GALNT5: variants seen among roughly 807,000 people sequenced by gnomAD.
GALNT5 encodes the protein UDP-GalNAc:polypeptide N-acetylgalactosaminyltransferase 5.
A neutral mutation model predicts 85.4 loss-of-function variants in GALNT5; 72 were observed. The ratio of observed to expected loss-of-function variants is 0.84; its 90% CI spans 0.70 to 1.03. The LOEUF is 1.03. GALNT5 is among the 50% of genes least tolerant of loss of function. The pLI is 0.00. For synonymous variants in GALNT5, 404 were observed against 397.0 expected (o/e 1.02, Z -0.21); for missense variants, 1,137 against 1,135.5 (o/e 1.00, Z -0.02).
At position 157,313,547 on chromosome 2, in the gene GALNT5, T is replaced by C. The variant is rs1323973273; in HGVS notation, c.*2199T>C. On this transcript the variant is annotated 3_prime_UTR_variant, in exon 10 of 10. Transcript: ENST00000259056. ...AATTGAGTTACTGACAAACTGAACA[T>C]GCTAGGTGCCTCATGTAATTCTTCA... 1 of 152,320 alleles carries C rather than the reference T, an allele frequency of 6.6e-6. No homozygotes were observed. The allele number at this position is 152,320 out of a possible 1,614,324, so 9.4% of individuals were successfully genotyped here.
At chr2:157,300,538 T>A in intron 6 of GALNT5, 138 bp from the exon 7 acceptor site, 1 of 646,110 alleles carries the variant, frequency 1.5e-6, no homozygotes, top group South Asian at 1.9e-5. Flanking sequence ...TTGAGTTTGA[T>A]TTTCTATTGC....
At chr2:157,310,124 A>G (rs1484251725) in intron 9 of GALNT5, among the ~76,000 whole-genome samples, 1 of 152,162 alleles carries the variant, frequency 6.6e-6, no homozygotes, top group Non-Finnish European at 1.5e-5. Context: ...TTAAGCGGTA[A>G]GCTGATTTGG....
At chr2:157,286,725 G>A (rs961565970) in intron 3 of GALNT5, among the ~76,000 whole-genome samples, 39 of 152,038 alleles carry the variant, frequency 2.6e-4, no homozygotes, top group African/African-American at 8.4e-4. Flanking sequence ...GGATGGTCTC[G>A]ACTCCTGAAC....
intron 1 of GALNT5, among the ~76,000 whole-genome samples, chr2:157,282,474 T>G (rs1361142527): frequency 6.6e-6 from 1 of 152,244 alleles, no homozygotes; most frequent in Non-Finnish European, 1.5e-5. Flanking sequence ...TGTCAATTAT[T>G]ATGATAAACA....
chr2:157,270,505 C>T (rs559793504), intron 1 of GALNT5, among the ~76,000 whole-genome samples: 3 of 152,302 alleles, frequency 2.0e-5, no homozygotes, highest in South Asian at 4.1e-4. Context: ...TGAATATTTT[C>T]AACTTCTCAT....
At chr2:157,285,011 G>A (rs1682940506) in intron 2 of GALNT5, among the ~76,000 whole-genome samples, 1 of 152,208 alleles carries the variant, frequency 6.6e-6, no homozygotes, top group Non-Finnish European at 1.5e-5. Flanking sequence ...TTACAGTGAA[G>A]AATCTCACTC....
intron 1 of GALNT5, among the ~76,000 whole-genome samples, chr2:157,278,268 T>A (rs2105135259): frequency 6.6e-6 from 1 of 152,314 alleles, no homozygotes; most frequent in South Asian, 2.1e-4. Flanking sequence ...TTCCCTTCAT[T>A]TCAACTTTGG....
intron 1 of GALNT5, among the ~76,000 whole-genome samples, chr2:157,265,139 A>G (rs1347007239): frequency 6.6e-6 from 1 of 152,182 alleles, no homozygotes; most frequent in African/African-American, 2.4e-5. Flanking sequence ...ACGTGCATGC[A>G]TTTGTGAGCA....
intron 1 of GALNT5, among the ~76,000 whole-genome samples, chr2:157,270,855 C>T (rs537320201): frequency 9.5e-4 from 145 of 152,296 alleles, no homozygotes; most frequent in Non-Finnish European, 1.6e-3. Flanking sequence ...GTGGCTCACG[C>T]CTGTAAACCC....
At chr2:157,288,358 T>A (rs1222030827) in intron 3 of GALNT5, among the ~76,000 whole-genome samples, 2 of 152,228 alleles carry the variant, frequency 1.3e-5, no homozygotes, top group East Asian at 1.9e-4. Context: ...TTTAATGGCA[T>A]TCCATGCTTA....
In GALNT5 at chr2:157,316,150, C is replaced by G. The variant is rs553209516; in HGVS notation, c.*4802C>G. ...CTTCACTTCACCAGTGCCATGTCAC[C>G]CACACACCTGGTGACAAGGAAAAGG... On this transcript the variant is annotated 3_prime_UTR_variant, in exon 10 of 10. Transcript: ENST00000259056. Among the ~76,000 whole-genome samples, 14 of 152,034 alleles carry G rather than the reference C, an allele frequency of 9.2e-5. No homozygotes were observed. Among genetic ancestry groups the G allele is most frequent in the African/African-American group, 2.9e-4 (12 of 41,470 alleles).
chr2:157,282,550 C>G (rs1682878384), intron 1 of GALNT5, among the ~76,000 whole-genome samples: 1 of 151,952 alleles, frequency 6.6e-6, no homozygotes, highest in Non-Finnish European at 1.5e-5. Context: ...TTAAGTACCC[C>G]CTATGTGTCA....
intron 2 of GALNT5, among the ~76,000 whole-genome samples, chr2:157,285,708 A>G (rs926184304): frequency 2.0e-5 from 3 of 152,314 alleles, no homozygotes; most frequent in Admixed American, 2.0e-4. Context: ...CCTGAGCTAC[A>G]TATATTTTAA....
In GALNT5 at chr2:157,259,454, A is replaced by C; in HGVS notation, c.1372A>C (p.Arg458=). The change falls in exon 1 of 10, where the codon AGA becomes CGA. Residue 458 remains arginine, a synonymous_variant. Transcript: ENST00000259056. Reference sequence around the variant, plus strand: ...TGGAAAGGAGAAGGAGGCAGAAAGAAGATGGAAAGAAGGAAACTTCAATGT... The same window carrying C: ...TGGAAAGGAGAAGGAGGCAGAAAGACGATGGAAAGAAGGAAACTTCAATGT... The part of the protein sequence containing the change: ...PHGKEKEAER[R]WKEGNFNVYL... The C allele has an allele frequency of 6.8e-7, 1 of 1,465,652 alleles. No individual in the cohort carries two copies. The allele number at this position is 1,465,652 out of a possible 1,614,324, so 90.8% of individuals were successfully genotyped here.
At chr2:157,259,596 G>A in intron 1 of GALNT5, 60 bp downstream of exon 1, 1 of 1,166,382 alleles carries the variant, frequency 8.6e-7, no homozygotes. Flanking sequence ...TATGTAAAGA[G>A]GATTTATTGC....
intron 9 of GALNT5, 55 bp from the exon 10 acceptor site, chr2:157,311,153 A>T: frequency 7.4e-7 from 1 of 1,348,168 alleles, no homozygotes. Context: ...ATTTCTTCAT[A>T]TTGCAGTTAT....
chr2:157,268,535 G>A (rs1438640115), intron 1 of GALNT5, among the ~76,000 whole-genome samples: 1 of 152,170 alleles, frequency 6.6e-6, no homozygotes, highest in East Asian at 1.9e-4. Context: ...CTGTGATGAA[G>A]GCATTGTAAT....
Position 157,296,385 on chromosome 2 carries a change from C to A in GALNT5, c.1878-9C>A, listed in dbSNP as rs1235462216. Reference sequence around the variant, plus strand: ...CAGATAACACTTTGTTTTTCATTTCCTGGATTAGTTACATGACAGTGGATA... The same window carrying A: ...CAGATAACACTTTGTTTTTCATTTCATGGATTAGTTACATGACAGTGGATA... On this transcript the variant is annotated splice_polypyrimidine_tract_variant and intron_variant, in intron 4 of 9. Coordinates refer to ENST00000259056, the MANE Select transcript of GALNT5 (RefSeq NM_014568.3). 6.2e-7 allele frequency: 1 copy of A among 1,602,474 alleles called. No individual in the cohort carries two copies. Among genetic ancestry groups the A allele is most frequent in the Admixed American group, 1.7e-5 (1 of 59,436 alleles).
intron 1 of GALNT5, among the ~76,000 whole-genome samples, chr2:157,272,909 T>G (rs1308853687): frequency 6.6e-6 from 1 of 152,228 alleles, no homozygotes; most frequent in Non-Finnish European, 1.5e-5. Flanking sequence ...TAGTTCTGTG[T>G]TAAGTTCTTT....
Sources: allele counts gnomAD v4.1 joint callset (sites outside exome capture counted in the v4.1 genomes callset), GRCh38; gene constraint gnomAD v4.1.1; transcripts MANE v1.5; gene names NCBI Gene and HGNC (gene_info 2026-07-23, HGNC 2026-07-21).